USH2A: variants seen among roughly 807,000 people sequenced by gnomAD.
USH2A encodes Usher syndrome 2A (autosomal recessive, mild).
Under a neutral mutation model 538.9 loss-of-function variants are expected in USH2A, and 443 were observed. That is an observed-to-expected ratio of 0.82 (90% CI 0.76 to 0.89). The LOEUF (loss-of-function observed/expected upper bound fraction) is 0.89. Ranked by LOEUF, USH2A falls within the 40% of genes least tolerant of loss-of-function variation. The pLI is 0.00. For missense variants in USH2A, 6,633 were observed against 6,324.8 expected, an observed-to-expected ratio of 1.05 and a Z score of -1.65; for synonymous variants, 2,413 against 2,273.5, an observed-to-expected ratio of 1.06 and a Z score of -1.75.
At chr1:215,971,885 C>T (rs1221612127) in intron 35 of USH2A, among the ~76,000 whole-genome samples, 1 of 152,046 alleles carries the variant, frequency 6.6e-6, no homozygotes, top group East Asian at 1.9e-4. Flanking sequence ...GGGGAATTAA[C>T]ATCACCCAGA....
chr1:216,410,627 G>A (rs893317440), intron 3 of USH2A, among the ~76,000 whole-genome samples: 1 of 151,800 alleles, frequency 6.6e-6, no homozygotes, highest in African/African-American at 2.4e-5. Flanking sequence ...AATTTCTATA[G>A]TTGAGAATTA....
chr1:215,643,526 CT>C (rs113657135), intron 67 of USH2A, among the ~76,000 whole-genome samples: 3,457 of 143,938 alleles, frequency 0.024, 113 homozygotes, highest in African/African-American at 0.074. Flanking sequence ...AGATAAAATC[CT>C]TTTTTTTTTT....
chr1:215,900,795 G>A lies in USH2A; in HGVS notation c.7411C>T (p.Leu2471Phe), dbSNP rs775824145. 17 of 1,613,672 alleles carry A rather than the reference G, an allele frequency of 1.1e-5. No homozygotes were observed. Among genetic ancestry groups the A allele is most frequent in the Admixed American group, 1.7e-5 (1 of 59,962 alleles). The change falls in exon 39 of 72, where the codon CTC becomes TTC. Residue 2471 changes from leucine to phenylalanine, a missense_variant. Physicochemically the swap from Leu to Phe is conservative, Grantham distance 22. Transcript: ENST00000307340. The part of the protein sequence containing the change: ...NNAPGSPRYQ[L>F]QMRSGDSTHG... ...GTGGAGTCGCCAGACCTCATCTGGA[G>A]TTGGTATCTGGGAGAGCCAGGAGCG...
intron 4 of USH2A, among the ~76,000 whole-genome samples, chr1:216,328,714 T>A (rs1247564808): frequency 2.0e-5 from 3 of 151,838 alleles, no homozygotes; most frequent in East Asian, 3.9e-4. Flanking sequence ...GAGAGGAGAA[T>A]TAGCACACGA....
At chr1:215,710,071 A>G (rs1231243074) in intron 61 of USH2A, among the ~76,000 whole-genome samples, 1 of 152,196 alleles carries the variant, frequency 6.6e-6, no homozygotes, top group Admixed American at 6.5e-5. Flanking sequence ...ATTGGGAAGG[A>G]ATCAAGAAGC....
At chr1:215,817,312 T>C in intron 47 of USH2A, 117 bp from the exon 48 acceptor site, 1 of 486,878 alleles carries the variant, frequency 2.1e-6, no homozygotes, top group Non-Finnish European at 3.1e-6. Flanking sequence ...ATTATATATG[T>C]TTATATATGA....
At chr1:216,180,976 C>G (rs1175314758) in intron 20 of USH2A, among the ~76,000 whole-genome samples, 2 of 152,088 alleles carry the variant, frequency 1.3e-5, no homozygotes, top group East Asian at 3.9e-4. Flanking sequence ...GCTCACCAAT[C>G]AGTGTCTTAA....
At chr1:216,269,849 A>G (rs573202776) in intron 11 of USH2A, among the ~76,000 whole-genome samples, 1 of 152,250 alleles carries the variant, frequency 6.6e-6, no homozygotes, top group African/African-American at 2.4e-5. Context: ...AATTGTCACA[A>G]TGAGTTTGGT....
At chr1:215,774,973 G>GAAACC (rs917087404) in intron 55 of USH2A, among the ~76,000 whole-genome samples, 1 of 148,972 alleles carries the variant, frequency 6.7e-6, no homozygotes, top group African/African-American at 2.5e-5. Context: ...AAAATGAAAA[G>GAAACC]AAAACAAATT....
At chr1:216,070,640 C>A (rs2031528176) in intron 29 of USH2A, among the ~76,000 whole-genome samples, 2 of 151,962 alleles carry the variant, frequency 1.3e-5, no homozygotes, top group African/African-American at 4.8e-5. Flanking sequence ...TGATGTACCC[C>A]CTTTGAAGCA....
At chr1:215,872,141 T>C (rs537609318) in intron 43 of USH2A, among the ~76,000 whole-genome samples, 1 of 152,358 alleles carries the variant, frequency 6.6e-6, no homozygotes, top group South Asian at 2.1e-4. Context: ...CAGTACACCA[T>C]CACACAAGTG....
chr1:216,174,664 G>C, intron 21 of USH2A: 4 of 986,332 alleles, frequency 4.1e-6, no homozygotes, highest in Non-Finnish European at 4.8e-6. Flanking sequence ...CATAGTCCTG[G>C]CTTAGAGAAG....
intron 4 of USH2A, among the ~76,000 whole-genome samples, chr1:216,334,420 A>G (rs1196849618): frequency 1.3e-5 from 2 of 152,028 alleles, no homozygotes; most frequent in African/African-American, 2.4e-5. Flanking sequence ...GAAATTTAGA[A>G]GACATAAATC....
chr1:215,736,079 T>C (rs1429860868), intron 60 of USH2A, among the ~76,000 whole-genome samples: 1 of 151,742 alleles, frequency 6.6e-6, no homozygotes, highest in Non-Finnish European at 1.5e-5. Context: ...GGAAGCCATA[T>C]CTTCTGACTA....
intron 3 of USH2A, among the ~76,000 whole-genome samples, chr1:216,377,739 A>AG (rs1243927167): frequency 6.9e-6 from 1 of 145,012 alleles, no homozygotes; most frequent in Non-Finnish European, 1.5e-5. Flanking sequence ...AGAAAGAGAA[A>AG]GAAAAAAAAA....
At chr1:216,239,422 A>G (rs1450091384) in intron 13 of USH2A, among the ~76,000 whole-genome samples, 3 of 152,192 alleles carry the variant, frequency 2.0e-5, no homozygotes, top group African/African-American at 7.2e-5. Context: ...CAGAAAATAT[A>G]TAGGGAGCAC....
intron 31 of USH2A, 80 bp from the exon 32 acceptor site, chr1:216,046,672 A>G (rs1571914068): frequency 2.0e-6 from 3 of 1,534,364 alleles, no homozygotes; most frequent in Non-Finnish European, 2.7e-6. Flanking sequence ...CCAATAAATC[A>G]TGGAATAAAC....
chr1:216,397,891 C>T (rs1319965109), intron 3 of USH2A, among the ~76,000 whole-genome samples: 2 of 152,172 alleles, frequency 1.3e-5, no homozygotes, highest in African/African-American at 4.8e-5. Context: ...GCAAATTCTC[C>T]CTAATACATT....
chr1:215,805,662 C>T (rs1662479884), intron 49 of USH2A, among the ~76,000 whole-genome samples: 1 of 152,004 alleles, frequency 6.6e-6, no homozygotes, highest in South Asian at 2.1e-4. Context: ...CTTCAGAGAT[C>T]ACTTAACTAC....
Sources: gnomAD v4.1 joint callset for allele counts (sites outside exome capture counted in the v4.1 genomes callset) on GRCh38, gnomAD v4.1.1 for gene constraint, MANE v1.5 for transcripts, NCBI Gene and HGNC (gene_info 2026-07-23, HGNC 2026-07-21) for gene names.